The following ZBTB49 variants were observed in gnomAD, a reference collection of about 807,000 sequenced individuals.
The protein encoded by ZBTB49 is zinc finger and BTB domain-containing protein 49.
In ZBTB49, 43 loss-of-function variants were observed where a neutral mutation model predicts 57.5. The observed-to-expected ratio is 0.75, with a 90% confidence interval of 0.59 to 0.97. The LOEUF (loss-of-function observed/expected upper bound fraction) is 0.97. Ranked by LOEUF, ZBTB49 falls within the 50% of genes least tolerant of loss-of-function variation. ZBTB49 has a pLI of 0.00. For synonymous variants in ZBTB49, 369 were observed against 362.1 expected, an observed-to-expected ratio of 1.02 and a Z score of -0.22; for missense variants, 938 against 947.7, an observed-to-expected ratio of 0.99 and a Z score of 0.13.
intron 1 of ZBTB49, among the ~76,000 whole-genome samples, chr4:4,294,916 T>TGTG (rs59488167): frequency 6.8e-6 from 1 of 146,012 alleles, no homozygotes; most frequent in Non-Finnish European, 1.5e-5. Flanking sequence ...TGTGTGTGTG[T>TGTG]TTAATGTCTT....
Position 4,320,797 on chromosome 4 carries a change from A to C in ZBTB49, c.1779A>C (p.Pro593=), listed in dbSNP as rs1415475060. 1 of 1,614,190 alleles carries C rather than the reference A, an allele frequency of 6.2e-7. No homozygotes were observed. The highest frequency in any genetic ancestry group is 8.5e-7 in the Non-Finnish European group (1 of 1,180,028). The change falls in exon 8 of 8, where the codon CCA becomes CCC. Residue 593 remains proline, a synonymous_variant. Transcript: ENST00000337872. ...KMHCKAGDES[P]DVLEELSQAI... ...ACTGCAAAGCTGGTGACGAGAGCCC[A>C]GATGTGCTGGAGGAGCTCAGCCAAG...
intron 1 of ZBTB49, among the ~76,000 whole-genome samples, chr4:4,292,089 A>G (rs1204011305): frequency 1.3e-5 from 2 of 152,140 alleles, no homozygotes; most frequent in Non-Finnish European, 2.9e-5. Flanking sequence ...CCTGGCCAAC[A>G]TGGTGAGACC....
chr4:4,310,999 C>A (rs1720962508), intron 4 of ZBTB49, among the ~76,000 whole-genome samples: 1 of 152,126 alleles, frequency 6.6e-6, no homozygotes, highest in East Asian at 1.9e-4. Context: ...TCTGAATGTA[C>A]TATTGGATTT....
At chr4:4,306,004 C>A in intron 3 of ZBTB49, 134 bp from the exon 4 acceptor site, 1 of 644,320 alleles carries the variant, frequency 1.6e-6, no homozygotes, top group South Asian at 2.0e-5. Context: ...AGGAAGTAGA[C>A]ACTCCCTATT....
intron 4 of ZBTB49, among the ~76,000 whole-genome samples, chr4:4,306,746 C>A (rs949846360): frequency 1.3e-5 from 2 of 152,320 alleles, no homozygotes; most frequent in Admixed American, 1.3e-4. Context: ...AACCTAGAGA[C>A]CTAATGTTTT....
chr4:4,307,414 C>T (rs1476905611), intron 4 of ZBTB49, among the ~76,000 whole-genome samples: 1 of 152,204 alleles, frequency 6.6e-6, no homozygotes, highest in East Asian at 1.9e-4. Context: ...TGAGCTCTGC[C>T]TCTGTCAGGG....
At chr4:4,313,202 C>T in intron 5 of ZBTB49, 88 bp downstream of exon 5, 10 of 1,494,128 alleles carry the variant, frequency 6.7e-6, no homozygotes, top group Middle Eastern at 1.7e-4. Flanking sequence ...AGTGGTGGCT[C>T]ACAGATGAGC....
intron 5 of ZBTB49, among the ~76,000 whole-genome samples, chr4:4,313,840 G>C (rs1721078273): frequency 1.3e-5 from 2 of 152,302 alleles, no homozygotes; most frequent in South Asian, 2.1e-4. Context: ...ACGAAGCTCT[G>C]TACGCACCTT....
In ZBTB49 at chr4:4,320,819, C is replaced by T. The variant is rs1321133150; in HGVS notation, c.1801C>T (p.Gln601Ter). 5 of 1,614,204 alleles carry T rather than the reference C, an allele frequency of 3.1e-6. No individual in the cohort carries two copies. The highest frequency in any genetic ancestry group is 4.2e-6 in the Non-Finnish European group (5 of 1,180,042). Residue 601 changes from glutamine to a stop codon, truncating the protein, a stop_gained, in exon 8 of 8, where the codon CAA becomes TAA. Transcript: ENST00000337872. LOFTEE classifies it low-confidence loss of function (END_TRUNC). ...ESPDVLEELS[Q>*]AIETSDLEKS... ...CCCAGATGTGCTGGAGGAGCTCAGC[C>T]AAGCCATCGAGACCTCCGACCTCGA... is the stretch of plus-strand genomic sequence containing the variant.
At chr4:4,311,603 A>G (rs756078708) in intron 4 of ZBTB49, among the ~76,000 whole-genome samples, 9 of 152,208 alleles carry the variant, frequency 5.9e-5, no homozygotes, top group Non-Finnish European at 1.0e-4. Context: ...CAACTCCTTT[A>G]TTTATCTGAA....
At chr4:4,307,881 A>C (rs1027924023) in intron 4 of ZBTB49, among the ~76,000 whole-genome samples, 2 of 152,194 alleles carry the variant, frequency 1.3e-5, no homozygotes, top group South Asian at 4.1e-4. Context: ...TTATACATTT[A>C]AATTATGTTG....
intron 7 of ZBTB49, among the ~76,000 whole-genome samples, chr4:4,319,895 T>C (rs1721337225): frequency 6.6e-6 from 1 of 151,942 alleles, no homozygotes; most frequent in Admixed American, 6.6e-5. Context: ...CCATTTCTAC[T>C]AAAAATATTA....
At chr4:4,311,351 C>T (rs1034395166) in intron 4 of ZBTB49, among the ~76,000 whole-genome samples, 4 of 152,252 alleles carry the variant, frequency 2.6e-5, no homozygotes, top group Non-Finnish European at 2.9e-5. Flanking sequence ...GGTGCTATTC[C>T]GATTATTATG....
At chr4:4,306,257 T>C in intron 4 of ZBTB49, 73 bp downstream of exon 4, 7 of 1,284,526 alleles carry the variant, frequency 5.4e-6, no homozygotes, top group Non-Finnish European at 6.7e-6. Context: ...AAATAAGACA[T>C]ACTTTTGTAC....
chr4:4,319,811 A>T (rs1285615382), intron 7 of ZBTB49, among the ~76,000 whole-genome samples: 2 of 140,402 alleles, frequency 1.4e-5, no homozygotes, highest in African/African-American at 2.7e-5. Flanking sequence ...CACTCCCAGC[A>T]CTTTGGGAGG....
chr4:4,302,772 C>T lies in ZBTB49; in HGVS notation c.936C>T (p.Leu312=), dbSNP rs966311161. 6 of 1,613,968 alleles carry T rather than the reference C, an allele frequency of 3.7e-6. No individual in the cohort carries two copies. In the African/African-American group the frequency reaches 5.3e-5, roughly 14 times the overall value. ...AAAAGGCCATTCATCTGAAGAAGCT[C>T]AATTTCCTGAAGTCACAGAAATACG... ...RLKKAIHLKK[L]NFLKSQKYAE... is the part of the protein sequence containing the mutation. The change falls in exon 3 of 8, where the codon CTC becomes CTT. Residue 312 remains leucine (L), a synonymous_variant. Coordinates refer to ENST00000337872, the MANE Select transcript of ZBTB49 (RefSeq NM_145291.4).
intron 1 of ZBTB49, among the ~76,000 whole-genome samples, chr4:4,294,872 CGTGTGTGT>C (rs10626183): frequency 0.052 from 7,217 of 138,048 alleles, 206 homozygotes; most frequent in Non-Finnish European, 0.074. Context: ...AGGAGGGTTT[CGTGTGTGT>C]GTGTGTGTGT....
chr4:4,318,540 G>A (rs138116283), intron 7 of ZBTB49, among the ~76,000 whole-genome samples: 2,472 of 152,236 alleles, frequency 0.016, 28 homozygotes, highest in Middle Eastern at 0.058. Flanking sequence ...CCCGGGAGAC[G>A]GAGGTTGCAG....
chr4:4,303,394 C>T (rs2920216), intron 3 of ZBTB49, among the ~76,000 whole-genome samples: 127,875 of 152,186 alleles, frequency 0.84, 53,792 homozygotes, highest in Admixed American at 0.85. Context: ...TTTGGTGCAC[C>T]CAGAATTTCA....
Sources: gnomAD v4.1 joint callset for allele counts (sites outside exome capture counted in the v4.1 genomes callset) on GRCh38, gnomAD v4.1.1 for gene constraint, MANE v1.5 for transcripts, NCBI Gene and HGNC (gene_info 2026-07-23, HGNC 2026-07-21) for gene names.